PVT1: variants seen among roughly 807,000 people sequenced by gnomAD.
The protein encoded by PVT1 is Pvt1 oncogene, also known as CXCR4/PVT1 fusion.
intron 3 of PVT1, among the ~76,000 whole-genome samples, chr8:127,928,326 C>T (rs866756403): frequency 2.2e-5 from 3 of 137,836 alleles, no homozygotes; most frequent in Non-Finnish European, 5.0e-5. Flanking sequence ...TTTCTATCCT[C>T]TGACCCCCAC....
At chr8:127,909,647 T>G (rs1025485218) in intron 3 of PVT1, among the ~76,000 whole-genome samples, 7 of 152,170 alleles carry the variant, frequency 4.6e-5, no homozygotes, top group Admixed American at 1.3e-4. Context: ...TAAGAACTGC[T>G]TTGGTCCCAC....
rs189931250 is a variant in PVT1, at chr8:127,962,355, A to G, written n.783-26807A>G. On this transcript the variant is annotated intron_variant and non_coding_transcript_variant, in intron 3 of 10. Coordinates refer to ENST00000651587, the Ensembl canonical transcript of PVT1. ...TGTTGTACACATGATCATCGGTGGC[A>G]CTGCTTTGCAGCCTAATGGTTTTTG... Among the ~76,000 whole-genome samples, 1,271 of 152,312 alleles carry G rather than the reference A, an allele frequency of 8.3e-3. 17 individuals are homozygous for G. Among genetic ancestry groups the G allele is most frequent in the Non-Finnish European group, 0.011 (732 of 68,018 alleles).
intron 3 of PVT1, among the ~76,000 whole-genome samples, chr8:127,896,622 G>GTATT (rs1015624918): frequency 6.6e-6 from 1 of 151,756 alleles, no homozygotes; most frequent in Non-Finnish European, 1.5e-5. Context: ...TATTATGTAT[G>GTATT]TATTTATTTT....
At chr8:128,078,263 G>A (rs530357354) in intron 5 of PVT1, among the ~76,000 whole-genome samples, 19 of 152,318 alleles carry the variant, frequency 1.2e-4, no homozygotes, top group African/African-American at 4.6e-4. Flanking sequence ...ATACATAAAT[G>A]CTTGCTGGGT....
chr8:127,830,435 C>T (rs1427811761), intron 2 of PVT1, among the ~76,000 whole-genome samples: 1 of 145,258 alleles, frequency 6.9e-6, no homozygotes, highest in Admixed American at 7.2e-5. Flanking sequence ...AACCATATTG[C>T]TTTATTTCAG....
chr8:127,891,987 C>T (rs187609187), intron 3 of PVT1, among the ~76,000 whole-genome samples: 79 of 152,300 alleles, frequency 5.2e-4, no homozygotes, highest in Admixed American at 9.2e-4. Context: ...TAGCTCTGAG[C>T]GATGAGTGGT....
At chr8:127,881,248 C>T (rs1201965318) in intron 2 of PVT1, among the ~76,000 whole-genome samples, 1 of 152,046 alleles carries the variant, frequency 6.6e-6, no homozygotes, top group East Asian at 1.9e-4. Context: ...CAGCGCTGTG[C>T]TGTTGAGGGT....
intron 2 of PVT1, among the ~76,000 whole-genome samples, chr8:127,849,758 C>T (rs79517175): frequency 2.1e-5 from 2 of 93,454 alleles, no homozygotes; most frequent in African/African-American, 5.3e-5. Context: ...GTGTGTGTGC[C>T]CCTGCGTGCA....
intron 3 of PVT1, among the ~76,000 whole-genome samples, chr8:127,893,061 G>T (rs1418603490): frequency 6.6e-6 from 1 of 152,126 alleles, no homozygotes; most frequent in Non-Finnish European, 1.5e-5. Context: ...GGGCCAGAGT[G>T]GGCTCAGACA....
chr8:128,095,232 C>G (rs1814411830), intron 5 of PVT1, among the ~76,000 whole-genome samples: 1 of 152,156 alleles, frequency 6.6e-6, no homozygotes, highest in South Asian at 2.1e-4. Flanking sequence ...GTGCCCCTCA[C>G]AAGTTCTAGG....
At chr8:128,052,409 A>T (rs1813709327) in intron 4 of PVT1, among the ~76,000 whole-genome samples, 1 of 152,170 alleles carries the variant, frequency 6.6e-6, no homozygotes, top group Non-Finnish European at 1.5e-5. Context: ...GATGTGAGTG[A>T]TGTGAAACTC....
chr8:127,847,684 T>C (rs892841551), intron 2 of PVT1, among the ~76,000 whole-genome samples: 1 of 152,154 alleles, frequency 6.6e-6, no homozygotes, highest in Admixed American at 6.5e-5. Context: ...GATCTCAGGA[T>C]GTATTGTTGA....
At chr8:127,841,001 G>C (rs554997261) in intron 2 of PVT1, among the ~76,000 whole-genome samples, 1 of 152,356 alleles carries the variant, frequency 6.6e-6, no homozygotes, top group East Asian at 1.9e-4. Context: ...ACTGCAGGCA[G>C]CAACCTCTTT....
At chr8:128,039,023 G>T (rs1258356287) in intron 4 of PVT1, among the ~76,000 whole-genome samples, 2 of 152,148 alleles carry the variant, frequency 1.3e-5, no homozygotes, top group Non-Finnish European at 2.9e-5. Context: ...GAAGGGGAGG[G>T]ACGGATCAGC....
At chr8:128,052,905 A>G (rs1813715930) in intron 4 of PVT1, among the ~76,000 whole-genome samples, 1 of 152,254 alleles carries the variant, frequency 6.6e-6, no homozygotes, top group Admixed American at 6.5e-5. Context: ...TCCTATGAAG[A>G]CAGTAGATGG....
intron 4 of PVT1, among the ~76,000 whole-genome samples, chr8:128,066,861 C>G (rs893387557): frequency 6.6e-6 from 1 of 152,208 alleles, no homozygotes; most frequent in Non-Finnish European, 1.5e-5. Flanking sequence ...AGATTCTTCT[C>G]ATTGGGTTTT....
At chr8:128,021,838 G>C (rs1194965410) in intron 4 of PVT1, among the ~76,000 whole-genome samples, 6 of 152,180 alleles carry the variant, frequency 3.9e-5, no homozygotes, top group Admixed American at 3.9e-4. Flanking sequence ...ATTAGCGTCT[G>C]AGCTCAGATG....
At chr8:128,089,060 A>G (rs915713772) in intron 5 of PVT1, among the ~76,000 whole-genome samples, 1 of 152,146 alleles carries the variant, frequency 6.6e-6, no homozygotes, top group Non-Finnish European at 1.5e-5. Context: ...ATATCTTGAG[A>G]TTTGCTGGAG....
intron 5 of PVT1, among the ~76,000 whole-genome samples, chr8:128,072,897 A>C (rs1221262589): frequency 6.6e-6 from 1 of 151,590 alleles, no homozygotes; most frequent in Non-Finnish European, 1.5e-5. Flanking sequence ...ACAGTGGTGC[A>C]ATCTCAACTC....
Sources: allele counts gnomAD v4.1 joint callset (sites outside exome capture counted in the v4.1 genomes callset), GRCh38; gene constraint gnomAD v4.1.1; transcripts MANE v1.5; gene names NCBI Gene and HGNC (gene_info 2026-07-23, HGNC 2026-07-21).